TPST1: variants seen among roughly 807,000 people sequenced by gnomAD.
TPST1 encodes protein-tyrosine sulfotransferase 1.
Under a neutral mutation model 34.8 loss-of-function variants are expected in TPST1, and 20 were observed. That is an observed-to-expected ratio of 0.57 (90% CI 0.40 to 0.84). The LOEUF is 0.84. Among genes scored for constraint, TPST1 ranks in the 40% least tolerant of loss-of-function variants. The pLI, the probability that TPST1 is intolerant of heterozygous loss-of-function variation, is 0.00. For missense variants in TPST1, 353 were observed against 455.5 expected, an observed-to-expected ratio of 0.78 and a Z score of 2.05; for synonymous variants, 152 against 159.4, an observed-to-expected ratio of 0.95 and a Z score of 0.35.
rs563801994 is a variant in TPST1, at chr7:66,231,497, C to T, written c.-101-8828C>T. Among the ~76,000 whole-genome samples, 316 of 152,328 alleles carry T rather than the reference C, an allele frequency of 2.1e-3. 1 individual carries two copies. The highest frequency in any genetic ancestry group is 2.8e-3 in the Non-Finnish European group (188 of 68,022). ...GCATGGCGGGCTGCAGGTCCTGAGC[C>T]CTGCCCCGTGGGAAGGCAGCTAAGT... On this transcript the variant is annotated intron_variant, in intron 1 of 5. Coordinates refer to ENST00000304842, the MANE Select transcript of TPST1 (RefSeq NM_003596.4).
chr7:66,248,287 G>A (rs1790192068), intron 2 of TPST1, among the ~76,000 whole-genome samples: 1 of 151,888 alleles, frequency 6.6e-6, no homozygotes, highest in African/African-American at 2.4e-5. Flanking sequence ...AATCTTGTTC[G>A]GAACCTTGGT....
intron 1 of TPST1, chr7:66,221,700 G>T (rs978060103): frequency 2.0e-5 from 3 of 152,186 alleles, no homozygotes; most frequent in African/African-American, 7.2e-5. Flanking sequence ...TTTGGTCACT[G>T]CTTTGTGATG....
intron 3 of TPST1, among the ~76,000 whole-genome samples, chr7:66,309,784 G>A (rs1465721715): frequency 6.6e-6 from 1 of 152,170 alleles, no homozygotes; most frequent in African/African-American, 2.4e-5. Context: ...ACTCTTGTGG[G>A]TGGAATGACC....
chr7:66,273,260 A>G (rs1270638448), intron 2 of TPST1, among the ~76,000 whole-genome samples: 1 of 152,218 alleles, frequency 6.6e-6, no homozygotes, highest in Non-Finnish European at 1.5e-5. Flanking sequence ...TAAGAACTAT[A>G]AAACACTGAT....
chr7:66,358,813 C>G (rs749245403), intron 5 of TPST1, among the ~76,000 whole-genome samples: 1 of 152,166 alleles, frequency 6.6e-6, no homozygotes, highest in Non-Finnish European at 1.5e-5. Flanking sequence ...TCTCCCTGCC[C>G]GCCCCACCAA....
chr7:66,347,794 TA>T (rs1485131396), intron 3 of TPST1, among the ~76,000 whole-genome samples: 1 of 152,208 alleles, frequency 6.6e-6, no homozygotes, highest in Non-Finnish European at 1.5e-5. Context: ...TGTTGGCACA[TA>T]AAAATGCTAC....
At chr7:66,343,614 AAACACAG>A (rs1792283345) in intron 3 of TPST1, among the ~76,000 whole-genome samples, 1 of 152,216 alleles carries the variant, frequency 6.6e-6, no homozygotes, top group Non-Finnish European at 1.5e-5. Flanking sequence ...ACAAAACAGT[AAACACAG>A]CCCAACTCTT....
chr7:66,271,962 A>G (rs1358593909), intron 2 of TPST1, among the ~76,000 whole-genome samples: 1 of 152,184 alleles, frequency 6.6e-6, no homozygotes, highest in Non-Finnish European at 1.5e-5. Flanking sequence ...TTGCTGACAT[A>G]CACTCTAGTA....
At chr7:66,323,799 C>A (rs530143850) in intron 3 of TPST1, among the ~76,000 whole-genome samples, 2 of 152,080 alleles carry the variant, frequency 1.3e-5, no homozygotes. Context: ...TCACACCCAC[C>A]GGGATGCTTA....
Position 66,249,203 on chromosome 7 carries a change from A to T in TPST1, c.845+7933A>T, listed in dbSNP as rs547141647. Among the ~76,000 whole-genome samples, 556 of 151,986 alleles carry T rather than the reference A, an allele frequency of 3.7e-3. 2 individuals are homozygous for T. The highest frequency in any genetic ancestry group is 6.2e-3 in the Non-Finnish European group (422 of 68,012). ...AACTTAGAAGATTCCTGTTTTTTTT[A>T]AAAAAATTCTTTTTTTTTTTTAAGA... On this transcript the variant is annotated intron_variant, in intron 2 of 5. Transcript: ENST00000304842.
chr7:66,334,267 A>AG (rs1243650587), intron 3 of TPST1, among the ~76,000 whole-genome samples: 1 of 152,144 alleles, frequency 6.6e-6, no homozygotes, highest in East Asian at 1.9e-4. Flanking sequence ...TAAAGACACT[A>AG]GGGGGAGAGT....
At chr7:66,341,610 G>A (rs1025863574) in intron 3 of TPST1, among the ~76,000 whole-genome samples, 1 of 152,160 alleles carries the variant, frequency 6.6e-6, no homozygotes, top group Non-Finnish European at 1.5e-5. Context: ...GGAGAATCCT[G>A]ACAAAAAGGC....
intron 1 of TPST1, among the ~76,000 whole-genome samples, chr7:66,222,822 C>T (rs764491253): frequency 6.6e-6 from 1 of 152,116 alleles, no homozygotes; most frequent in Non-Finnish European, 1.5e-5. Context: ...CTTTAAAAGC[C>T]CCTTCACATG....
rs71051352 is a variant in TPST1, at chr7:66,347,059, C to CTTTTTTTTTTTTTTT, written c.1045-5434_1045-5420dup. The stretch of plus-strand genomic sequence containing the variant: ...TTTCTTCTTTTTTTCCTTTGCTTTT[C>CTTTTTTTTTTTTTTT]TTTTTTTTTTTTTTTTTTTTTTTTT... On this transcript the variant is annotated intron_variant, in intron 3 of 5. Coordinates refer to ENST00000304842, the MANE Select transcript of TPST1 (RefSeq NM_003596.4). Among the ~76,000 whole-genome samples, 309 of 59,980 alleles carry CTTTTTTTTTTTTTTT rather than the reference C, an allele frequency of 5.2e-3. 82 individuals carry two copies. Among genetic ancestry groups the CTTTTTTTTTTTTTTT allele is most frequent in the African/African-American group, 8.2e-3 (124 of 15,080 alleles). The allele number at this position is 59,980 out of a possible 152,430, so 39.3% of individuals were successfully genotyped here. A position where few individuals can be genotyped will look rare whatever the true frequency, so the allele number is the denominator to read the frequency against.
At chr7:66,211,620 C>G (rs1307398235) in intron 1 of TPST1, among the ~76,000 whole-genome samples, 1 of 152,226 alleles carries the variant, frequency 6.6e-6, no homozygotes, top group African/African-American at 2.4e-5. Flanking sequence ...CTGTTTCTTT[C>G]TTTCCTGCTT....
At chr7:66,330,807 AT>A (rs1254390101) in intron 3 of TPST1, among the ~76,000 whole-genome samples, 1 of 152,176 alleles carries the variant, frequency 6.6e-6, no homozygotes, top group Non-Finnish European at 1.5e-5. Context: ...TTCCTCCCAC[AT>A]TTTTGGTATG....
chr7:66,231,520 AG>A (rs1247024251), intron 1 of TPST1, among the ~76,000 whole-genome samples: 7 of 152,242 alleles, frequency 4.6e-5, no homozygotes, highest in African/African-American at 1.7e-4. Flanking sequence ...AAGGCAGCTA[AG>A]TCCCAGCTAA....
intron 2 of TPST1, 116 bp from the exon 3 acceptor site, chr7:66,286,395 A>T: frequency 2.5e-6 from 2 of 795,154 alleles, no homozygotes; most frequent in Non-Finnish European, 1.7e-6. Flanking sequence ...CCTCTTTCTC[A>T]ATTGTTTTGT....
chr7:66,203,482 ACTT>A (rs1311521212), upstream of TPST1, among the ~76,000 whole-genome samples: 3 of 136,900 alleles, frequency 2.2e-5, no homozygotes, highest in East Asian at 2.2e-4. Flanking sequence ...CCACACAAAA[ACTT>A]CTTTTTTTTT....
Sources: gnomAD v4.1 joint callset for allele counts (sites outside exome capture counted in the v4.1 genomes callset) on GRCh38, gnomAD v4.1.1 for gene constraint, MANE v1.5 for transcripts, NCBI Gene and HGNC (gene_info 2026-07-23, HGNC 2026-07-21) for gene names.